Variants in ZMYM6 observed in about 807,000 individuals in gnomAD.
ZMYM6 encodes zinc finger MYM-type containing 6.
ZMYM6 carries 90 observed loss-of-function variants against 134.0 expected under a neutral mutation model. That is an observed-to-expected ratio of 0.67 (90% CI 0.57 to 0.80). The LOEUF (loss-of-function observed/expected upper bound fraction) is 0.80. Among genes scored for constraint, ZMYM6 ranks in the 30% least tolerant of loss-of-function variants. The pLI, the probability that ZMYM6 is intolerant of heterozygous loss-of-function variation, is 0.00. For synonymous variants in ZMYM6, 481 were observed against 524.1 expected (o/e 0.92, Z 1.12); for missense variants, 1,362 against 1,533.9 (o/e 0.89, Z 1.87).
chr1:35,012,894 C>T (rs1641111118), intron 6 of ZMYM6: 1 of 985,136 alleles, frequency 1.0e-6, no homozygotes, highest in Non-Finnish European at 1.2e-6. Flanking sequence ...ACCAGCTAAC[C>T]CATGAACCAA....
Position 35,006,963 on chromosome 1 carries a change from G to A in ZMYM6, c.1801C>T (p.Pro601Ser). 6.2e-7 allele frequency: 1 copy of A among 1,609,782 alleles called. No individual in the cohort carries two copies. Among genetic ancestry groups the A allele is most frequent in the Non-Finnish European group, 8.5e-7 (1 of 1,178,476 alleles). ...CHQQIMNDCL[P>S]QNKVNISKAK... ...AGTTTAATTTTACCTTTATTTTGTG[G>A]AAGACAGTCATTCATAATTTGCTGA... Residue 601 changes from proline (P) to serine (S), a missense_variant, in exon 12 of 16, where the codon CCA becomes TCA. Transcript: ENST00000357182.
chr1:34,990,055 C>A (rs913109501), intron 15 of ZMYM6: 1 of 153,376 alleles, frequency 6.5e-6, no homozygotes, highest in African/African-American at 2.4e-5. Flanking sequence ...GTATATTCAA[C>A]CTTTCTGAAT....
intron 2 of ZMYM6, chr1:35,030,149 G>A (rs1261373501): frequency 6.3e-6 from 1 of 159,776 alleles, no homozygotes; most frequent in Non-Finnish European, 1.4e-5. Context: ...CAAAAAACCA[G>A]CCAGGAATGG....
chr1:35,015,743 A>AAAAAAAAAATATATATATAT, intron 4 of ZMYM6, among the ~76,000 whole-genome samples: 10 of 106,462 alleles, frequency 9.4e-5, no homozygotes, highest in African/African-American at 6.6e-4. Flanking sequence ...AAAAAAAAAA[A>AAAAAAAAAATATATATATAT]ATATATATAT....
At chr1:35,013,547 T>C (rs1480643104) in intron 6 of ZMYM6, 7 of 985,224 alleles carry the variant, frequency 7.1e-6, no homozygotes, top group Admixed American at 6.2e-5. Context: ...CTGCCAAAAA[T>C]GGCAAATCTT....
chr1:34,988,711 T>A lies in ZMYM6; in HGVS notation c.2371A>T (p.Thr791Ser). ...KPANLSHHLK[T>S]KHSELENKPV... is the part of the protein sequence containing the mutation. ...TTGTTTTCTAATTCTGAATGTTTTG[T>A]CTTCAAATGATGAGAAAGATTTGCT... is the stretch of plus-strand genomic sequence containing the variant. Residue 791 changes from threonine to serine, a missense_variant, in exon 16 of 16, where the codon ACA (threonine) becomes TCA (serine). Thr to Ser is a moderately conservative substitution (Grantham distance 58). Around this residue, in one of 3 missense-constraint regions of ZMYM6, gnomAD observed 824 missense variants for 940.9 expected, o/e 0.88. Coordinates refer to ENST00000357182, the MANE Select transcript of ZMYM6 (RefSeq NM_007167.4). The A allele has an allele frequency of 6.4e-7, 1 of 1,551,206 alleles. No homozygotes were observed. The highest frequency in any genetic ancestry group is 2.4e-5 in the East Asian group (1 of 40,894).
intron 2 of ZMYM6, among the ~76,000 whole-genome samples, chr1:35,024,121 C>T (rs1034710221): frequency 6.6e-6 from 1 of 152,096 alleles, no homozygotes; most frequent in South Asian, 2.1e-4. Context: ...ACTAAGAACT[C>T]CCTCAACATC....
At chr1:35,009,012 C>T (rs1641036653) in intron 10 of ZMYM6, 88 bp from the exon 11 acceptor site, 2 of 1,376,684 alleles carry the variant, frequency 1.5e-6, no homozygotes, top group Non-Finnish European at 2.0e-6. Flanking sequence ...AGATATGAAA[C>T]TTTAAGCTAA....
chr1:35,023,353 C>T (rs910218182), intron 2 of ZMYM6, among the ~76,000 whole-genome samples: 10 of 152,046 alleles, frequency 6.6e-5, no homozygotes, highest in Non-Finnish European at 1.0e-4. Context: ...GTGATCTGCC[C>T]GCCTTGGCCT....
Position 35,019,523 on chromosome 1 carries a change from A to T in ZMYM6, c.258T>A (p.Val86=). The T allele has an allele frequency of 1.9e-6, 3 of 1,614,204 alleles. No individual in the cohort carries two copies. Among genetic ancestry groups the T allele is most frequent in the South Asian group, 1.1e-5 (1 of 91,086 alleles). Residue 86 remains valine, a synonymous_variant, in exon 4 of 16, where the codon GTT becomes GTA. Transcript: ENST00000357182. ...AACCAGAACAAAAAACCTTAATAGC[A>T]ACAGCTGGAACTGAAGGAAGCAACA... ...PSVLLPSVPA[V]AIKVFCSGCK...
intron 2 of ZMYM6, among the ~76,000 whole-genome samples, chr1:35,029,957 G>C (rs1043337141): frequency 6.6e-6 from 1 of 152,178 alleles, no homozygotes; most frequent in East Asian, 1.9e-4. Flanking sequence ...GGACTAAGCT[G>C]ACTTTGCTCA....
chr1:35,016,997 C>T (rs548175954), intron 4 of ZMYM6, among the ~76,000 whole-genome samples: 2 of 149,494 alleles, frequency 1.3e-5, no homozygotes, highest in South Asian at 2.1e-4. Context: ...AGAGTGAGAC[C>T]GTGTCTCAAA....
Position 35,006,945 on chromosome 1 carries a change from T to G in ZMYM6, c.1813+6A>C. On this transcript the variant is annotated splice_donor_region_variant and intron_variant, in intron 12 of 15. Coordinates refer to ENST00000357182, the MANE Select transcript of ZMYM6 (RefSeq NM_007167.4). ...TAAAAATCCCATTAGCTAAGTTTAA[T>G]TTTACCTTTATTTTGTGGAAGACAG... 6.2e-7 allele frequency: 1 copy of G among 1,608,056 alleles called. No homozygotes were observed. The highest frequency in any genetic ancestry group is 8.5e-7 in the Non-Finnish European group (1 of 1,177,304).
At chr1:35,001,318 T>C (rs1640877699) in intron 14 of ZMYM6, among the ~76,000 whole-genome samples, 1 of 151,662 alleles carries the variant, frequency 6.6e-6, no homozygotes, top group Non-Finnish European at 1.5e-5. Context: ...TTATTTATTA[T>C]ACTTTTTATA....
chr1:35,014,190 G>A (rs1329168682), intron 6 of ZMYM6, among the ~76,000 whole-genome samples: 1 of 152,054 alleles, frequency 6.6e-6, no homozygotes, highest in Non-Finnish European at 1.5e-5. Flanking sequence ...AAAAAGACAA[G>A]CTTTGTTTAG....
chr1:35,021,573 T>C (rs1247332940), intron 2 of ZMYM6, among the ~76,000 whole-genome samples: 1 of 151,870 alleles, frequency 6.6e-6, no homozygotes, highest in Non-Finnish European at 1.5e-5. Context: ...TAAGCCAAGA[T>C]TGTGCCACTG....
At position 35,010,742 on chromosome 1, in the gene ZMYM6, C is replaced by A; in HGVS notation, c.1341+16G>T. 1 of 1,540,262 alleles carries A rather than the reference C, an allele frequency of 6.5e-7. No individual in the cohort carries two copies. Among genetic ancestry groups the A allele is most frequent in the South Asian group, 1.3e-5 (1 of 76,796 alleles). ...GGATGAGTTTATATACAATCCCTTT[C>A]ATGATCTCTCTTTACCTTGTAAAAA... On this transcript the variant is annotated intron_variant, in intron 9 of 15. Transcript: ENST00000357182.
At position 34,988,814 on chromosome 1, in the gene ZMYM6, A is replaced by G. The variant is rs760438565; in HGVS notation, c.2268T>C (p.Cys756=). ...TEYLKVGFII[C]PGSKESSPRP... is the part of the protein sequence containing the mutation. ...TTGGTGAACTTTCTTTTGATCCAGG[A>G]CAGATAATAAAACCAACTTTTAAAT... Residue 756 remains cysteine (C), a synonymous_variant, in exon 16 of 16, where the codon TGT becomes TGC. Coordinates refer to ENST00000357182, the MANE Select transcript of ZMYM6 (RefSeq NM_007167.4). 5.1e-6 allele frequency: 8 copies of G among 1,557,770 alleles called. No homozygotes were observed. Among genetic ancestry groups the G allele is most frequent in the Admixed American group, 3.9e-5 (2 of 51,464 alleles).
chr1:34,994,989 A>G (rs576911810), intron 14 of ZMYM6, among the ~76,000 whole-genome samples: 6 of 140,096 alleles, frequency 4.3e-5, no homozygotes, highest in Admixed American at 1.4e-4. Flanking sequence ...ATACATATCT[A>G]TATGTATATA....
Sources: gnomAD v4.1 joint callset for allele counts (sites outside exome capture counted in the v4.1 genomes callset) on GRCh38, gnomAD v4.1.1 for gene constraint, gnomAD v4.1.1 regional missense constraint, MANE v1.5 for transcripts, NCBI Gene and HGNC (gene_info 2026-07-23, HGNC 2026-07-21) for gene names.